The following ANGPTL5 variants were observed in gnomAD, a reference collection of about 807,000 sequenced individuals.
The protein encoded by ANGPTL5 is angiopoietin-related protein 5.
ANGPTL5 carries 34 observed loss-of-function variants against 39.4 expected under a neutral mutation model. That is an observed-to-expected ratio of 0.86 (90% CI 0.66 to 1.15). The LOEUF (loss-of-function observed/expected upper bound fraction) is 1.15. Ranked by LOEUF, ANGPTL5 falls within the 50% of genes most tolerant of loss-of-function variation. The pLI is 0.00. For missense variants in ANGPTL5, 467 were observed against 457.5 expected, an observed-to-expected ratio of 1.02 and a Z score of -0.19; for synonymous variants, 146 against 152.1, an observed-to-expected ratio of 0.96 and a Z score of 0.29.
chr11:101,898,368 A>G (rs532179256), intron 7 of ANGPTL5, among the ~76,000 whole-genome samples: 45 of 152,286 alleles, frequency 3.0e-4, no homozygotes, highest in African/African-American at 8.9e-4. Context: ...GGTCCTTCAC[A>G]TACCTTGTAA....
Position 101,915,318 on chromosome 11 carries a change from G to A in ANGPTL5, c.-93+701C>T, listed in dbSNP as rs150590684. On this transcript the variant is annotated intron_variant, in intron 1 of 8. Transcript: ENST00000334289. ...GGGGAGGCCCGGAACCCGGAGCGCGGTCGGGGAACTGGGCACTGAATCATC... is the reference window on the plus strand; with the variant it reads ...GGGGAGGCCCGGAACCCGGAGCGCGATCGGGGAACTGGGCACTGAATCATC... 2.5e-6 allele frequency: 4 copies of A among 1,613,892 alleles called. No individual in the cohort carries two copies. The African/African-American group carries it at 4.0e-5, about 16-fold the overall frequency.
chr11:101,906,171 A>G (rs2137061816), intron 3 of ANGPTL5, among the ~76,000 whole-genome samples: 1 of 152,258 alleles, frequency 6.6e-6, no homozygotes, highest in South Asian at 2.1e-4. Flanking sequence ...ATATAGAGGC[A>G]GGAGTTATAG....
chr11:101,891,214 G>T lies in ANGPTL5; in HGVS notation c.*65C>A. 6.9e-7 allele frequency: 1 copy of T among 1,440,372 alleles called. No homozygotes were observed. The highest frequency in any genetic ancestry group is 9.4e-7 in the Non-Finnish European group (1 of 1,059,488). The allele number at this position is 1,440,372 out of a possible 1,614,324, so 89.2% of individuals were successfully genotyped here. ...ATATGTTTGAAACACTAAGTGAAAA[G>T]ATAAACTTTTAAAAATCTTTAATAT... On this transcript the variant is annotated 3_prime_UTR_variant, in exon 9 of 9. Coordinates refer to ENST00000334289, the MANE Select transcript of ANGPTL5 (RefSeq NM_178127.5).
chr11:101,904,974 T>A lies in ANGPTL5; in HGVS notation c.346-67A>T, dbSNP rs139655867. On this transcript the variant is annotated intron_variant, in intron 4 of 8. Coordinates refer to ENST00000334289, the MANE Select transcript of ANGPTL5 (RefSeq NM_178127.5). ...GAAATTGCCATCTCTAAGCCTCTCA[T>A]AAACCCAGCTCTGAAATACGTAATG... 1.3e-4 allele frequency: 156 copies of A among 1,222,472 alleles called. No homozygotes were observed. In the African/African-American group the frequency reaches 1.7e-3, roughly 14 times the overall value. The allele number at this position is 1,222,472 out of a possible 1,614,324, so 75.7% of individuals were successfully genotyped here.
At chr11:101,897,906 C>T (rs919841350) in intron 7 of ANGPTL5, among the ~76,000 whole-genome samples, 2 of 152,062 alleles carry the variant, frequency 1.3e-5, no homozygotes, top group South Asian at 4.1e-4. Flanking sequence ...TCAATGGTAG[C>T]TTGATGGGAA....
intron 1 of ANGPTL5, among the ~76,000 whole-genome samples, chr11:101,911,653 T>C (rs1940094582): frequency 6.6e-6 from 1 of 152,082 alleles, no homozygotes; most frequent in African/African-American, 2.4e-5. Flanking sequence ...CTACCATGAG[T>C]AAAAAGCTCC....
At chr11:101,915,136 C>T in intron 1 of ANGPTL5, 1 of 1,214,428 alleles carries the variant, frequency 8.2e-7, no homozygotes, top group Non-Finnish European at 1.1e-6. Flanking sequence ...TGCGCGGGAG[C>T]TAGGGCTGTC....
At position 101,892,338 on chromosome 11, in the gene ANGPTL5, C is replaced by T. The variant is rs530219265; in HGVS notation, c.848-740G>A. On this transcript the variant is annotated intron_variant, in intron 8 of 8. Transcript: ENST00000334289. Reference sequence around the variant, plus strand: ...CTTCACCTCCCAGGGTCAAGCGATTCTCCTGCCTCAGCCTCCCAAGTAGCT... The same window carrying T: ...CTTCACCTCCCAGGGTCAAGCGATTTTCCTGCCTCAGCCTCCCAAGTAGCT... 5.3e-5 allele frequency among the ~76,000 whole-genome samples: 8 copies of T among 152,282 alleles called. No homozygotes were observed. In the East Asian group the frequency reaches 1.5e-3, roughly 29 times the overall value.
intron 1 of ANGPTL5, among the ~76,000 whole-genome samples, chr11:101,913,731 T>C (rs897581712): frequency 2.0e-5 from 3 of 152,170 alleles, no homozygotes; most frequent in African/African-American, 7.2e-5. Context: ...TGCCTAAATA[T>C]TCCAAATAGC....
In ANGPTL5 at chr11:101,895,952, C is replaced by T. The variant is rs144591132; in HGVS notation, c.662-888G>A. ...ATAGCTAAGATATTAAGTCTTTCTT[C>T]AGAGCTCACAGGGGCAGACATTTTA... On this transcript the variant is annotated intron_variant, in intron 7 of 8. Transcript: ENST00000334289. 3.7e-3 allele frequency among the ~76,000 whole-genome samples: 557 copies of T among 152,188 alleles called. 4 individuals are homozygous for T. Among genetic ancestry groups the T allele is most frequent in the African/African-American group, 0.013 (530 of 41,506 alleles).
chr11:101,898,113 C>T (rs1438318592), intron 7 of ANGPTL5, among the ~76,000 whole-genome samples: 1 of 152,080 alleles, frequency 6.6e-6, no homozygotes, highest in Non-Finnish European at 1.5e-5. Flanking sequence ...ATCCCAACTA[C>T]TCGGGAGGCT....
rs1170354778 is a variant in ANGPTL5, at chr11:101,916,405, G to T, written c.-479C>A. 1 of 152,214 alleles carries T rather than the reference G, an allele frequency of 6.6e-6. No homozygotes were observed. Among genetic ancestry groups the T allele is most frequent in the African/African-American group, 2.4e-5 (1 of 41,450 alleles). 9.4% of individuals were successfully genotyped at this position (152,214 alleles called of 1,614,324 possible). On this transcript the variant is annotated 5_prime_UTR_variant, in exon 1 of 9. The change creates a premature stop within an existing upstream ORF in the 5' untranslated region. Coordinates refer to ENST00000334289, the MANE Select transcript of ANGPTL5 (RefSeq NM_178127.5). The stretch of plus-strand genomic sequence containing the variant: ...AAATGTGTATAGAGCTTCACTAAAA[G>T]TAAAATATCTCTTCTCCGATCATGC...
chr11:101,900,769 G>C (rs1199489633), intron 6 of ANGPTL5, among the ~76,000 whole-genome samples: 5 of 151,832 alleles, frequency 3.3e-5, no homozygotes, highest in Non-Finnish European at 7.4e-5. Context: ...AAATAATACT[G>C]TTTATTATCA....
chr11:101,912,481 C>A (rs1049601955), intron 1 of ANGPTL5, among the ~76,000 whole-genome samples: 1 of 151,976 alleles, frequency 6.6e-6, no homozygotes, highest in Non-Finnish European at 1.5e-5. Context: ...CCCCTTGGGC[C>A]CTGCCTTTCT....
Position 101,894,970 on chromosome 11 carries a change from G to A in ANGPTL5, c.756C>T (p.Asp252=), listed in dbSNP as rs752713598. Residue 252 remains aspartate, a synonymous_variant, in exon 8 of 9, where the codon GAC becomes GAT. Transcript: ENST00000334289. ...TATCATATGATGCATAAGCAAGAGT[G>A]TCATCTTCAGATTCCAAAGCCACAT... The part of the protein sequence containing the change: ...MLYVALESED[D]TLAYASYDNF... The A allele has an allele frequency of 1.1e-5, 18 of 1,611,856 alleles. No individual in the cohort carries two copies. In the Admixed American group the frequency reaches 2.0e-4, roughly 18 times the overall value.
intron 6 of ANGPTL5, among the ~76,000 whole-genome samples, chr11:101,901,590 G>C (rs547905315): frequency 4.6e-5 from 7 of 152,234 alleles, no homozygotes; most frequent in Admixed American, 1.3e-4. Flanking sequence ...GCAGTGTGGA[G>C]GAAGTTAAGG....
Position 101,894,964 on chromosome 11 carries a change from AAG to A in ANGPTL5, c.760_761del (p.Leu254CysfsTer6). On this transcript the variant is annotated frameshift_variant, in exon 8 of 9. Coordinates refer to ENST00000334289, the MANE Select transcript of ANGPTL5 (RefSeq NM_178127.5). LOFTEE classifies it high-confidence loss of function. ...YVALESEDDT[L>X]AYASYDNFWL... Reference sequence around the variant, plus strand: ...AAAAATTATCATATGATGCATAAGCAAGAGTGTCATCTTCAGATTCCAAAGCC... The same window carrying A: ...AAAAATTATCATATGATGCATAAGCAAGTGTCATCTTCAGATTCCAAAGCC... The A allele has an allele frequency of 6.2e-7, 1 of 1,612,524 alleles. No individual in the cohort carries two copies. The highest frequency in any genetic ancestry group is 8.5e-7 in the Non-Finnish European group (1 of 1,178,668).
chr11:101,895,194 G>T, intron 7 of ANGPTL5, 130 bp from the exon 8 acceptor site: 1 of 747,438 alleles, frequency 1.3e-6, no homozygotes, highest in Non-Finnish European at 2.1e-6. Flanking sequence ...AAAGGCACTG[G>T]ATGACCTAGC....
Position 101,891,106 on chromosome 11 carries a change from T to A in ANGPTL5, c.*173A>T. ...GTAAAAACATACAATAAGCCATGTT[T>A]TCTTTTATAGAATACTACAAAATTG... On this transcript the variant is annotated 3_prime_UTR_variant, in exon 9 of 9. Coordinates refer to ENST00000334289, the MANE Select transcript of ANGPTL5 (RefSeq NM_178127.5). The A allele has an allele frequency of 1.8e-6, 1 of 555,616 alleles. No homozygotes were observed. The highest frequency in any genetic ancestry group is 3.1e-6 in the Non-Finnish European group (1 of 326,572). 34.4% of individuals were successfully genotyped at this position (555,616 alleles called of 1,614,324 possible). A position where few individuals can be genotyped will look rare whatever the true frequency, so the allele number is the denominator to read the frequency against.
Sources: allele counts gnomAD v4.1 joint callset (sites outside exome capture counted in the v4.1 genomes callset), GRCh38; gene constraint gnomAD v4.1.1; transcripts MANE v1.5; gene names NCBI Gene and HGNC (gene_info 2026-07-23, HGNC 2026-07-21).